Variants in SLC16A6 observed in about 807,000 individuals in gnomAD.
SLC16A6 encodes the protein monocarboxylate transporter 7.
Under a neutral mutation model 33.8 loss-of-function variants are expected in SLC16A6, and 15 were observed. The observed-to-expected ratio is 0.44, with a 90% CI of 0.30 to 0.68. SLC16A6 has a LOEUF of 0.68. Among genes scored for constraint, SLC16A6 ranks in the 30% least tolerant of loss-of-function variants. The pLI, the probability that SLC16A6 is intolerant of heterozygous loss-of-function variation, is 0.10. For missense variants in SLC16A6, 451 were observed against 661.5 expected (o/e 0.68, Z 3.49); for synonymous variants, 219 against 248.4 (o/e 0.88, Z 1.11).
At chr17:68,280,625 C>A (rs781806586) in intron 1 of SLC16A6, among the ~76,000 whole-genome samples, 1 of 152,174 alleles carries the variant, frequency 6.6e-6, no homozygotes, top group African/African-American at 2.4e-5. Flanking sequence ...TCACCCTATA[C>A]AACAATCAAC....
chr17:68,273,047 A>G (rs1337804361), intron 3 of SLC16A6, among the ~76,000 whole-genome samples: 1 of 151,746 alleles, frequency 6.6e-6, no homozygotes, highest in Non-Finnish European at 1.5e-5. Context: ...AATGGATGAA[A>G]CTATTATTGC....
At chr17:68,278,562 G>A (rs1334128847) in intron 1 of SLC16A6, among the ~76,000 whole-genome samples, 4 of 151,040 alleles carry the variant, frequency 2.6e-5, no homozygotes, top group Non-Finnish European at 5.9e-5. Context: ...AGCCTCCCAA[G>A]TAGCTGGGAC....
chr17:68,270,806 G>C (rs375675889), intron 5 of SLC16A6, 33 bp downstream of exon 5: 2 of 1,528,750 alleles, frequency 1.3e-6, no homozygotes, highest in African/African-American at 1.4e-5. Flanking sequence ...AGGGAAAGTA[G>C]ACAAGTGTTT....
chr17:68,289,158 C>A lies in SLC16A6; in HGVS notation c.-8+1928G>T, dbSNP rs148452210. Among the ~76,000 whole-genome samples the A allele has an allele frequency of 1.9e-3, 283 of 152,122 alleles. 2 individuals are homozygous for A. The highest frequency in any genetic ancestry group is 6.5e-3 in the African/African-American group (270 of 41,466). On this transcript the variant is annotated intron_variant, in intron 1 of 5. Coordinates refer to ENST00000580666, the MANE Select transcript of SLC16A6 (RefSeq NM_004694.5). ...CCCAGGAGTTTGAGACCAACCCGGG[C>A]AACATAGTGAGGCTGTGTCTCTACA...
In SLC16A6 at chr17:68,271,306, T is replaced by A; in HGVS notation, c.854A>T (p.Asp285Val). 1 of 1,614,216 alleles carries A rather than the reference T, an allele frequency of 6.2e-7. No individual in the cohort carries two copies. The highest frequency in any genetic ancestry group is 8.5e-7 in the Non-Finnish European group (1 of 1,180,038). Residue 285 changes from aspartate to valine, a missense_variant, in exon 5 of 6, where the codon GAC (aspartate) becomes GTC (valine). By Grantham distance (152) the Asp-to-Val change is radical. Around this residue, in one of 2 missense-constraint regions of SLC16A6, gnomAD observed 405 missense variants for 510.7 expected, o/e 0.79. Transcript: ENST00000580666. The surrounding 1 kb of genome is among the most constrained non-coding windows in gnomAD (Gnocchi z 5.3). ...ACTTTTCTCTTTCAAAATGGAGAAG[T>A]CTAATAGCGGGGCTTTCTTTTCGCT... ...RPSEKKAPLL[D>V]FSILKEKSFI...
intron 3 of SLC16A6, among the ~76,000 whole-genome samples, chr17:68,273,225 AACAG>A (rs1437393499): frequency 2.0e-5 from 3 of 151,152 alleles, no homozygotes; most frequent in Non-Finnish European, 4.4e-5. Context: ...TTTTTTTTTA[AACAG>A]ACAGGGTCTC....
At chr17:68,290,402 G>A (rs2145217293) in intron 1 of SLC16A6, among the ~76,000 whole-genome samples, 1 of 152,340 alleles carries the variant, frequency 6.6e-6, no homozygotes, top group Non-Finnish European at 1.5e-5. Flanking sequence ...CCCTTGCTAC[G>A]GAACTGCTTG....
At position 68,276,983 on chromosome 17, in the gene SLC16A6, A is replaced by G. The variant is rs183517398; in HGVS notation, c.232+1106T>C. The stretch of plus-strand genomic sequence containing the variant: ...GATGAATCAGTGAAGTCCTTTAGGG[A>G]AACAGGTGCTTGGAATTCAGAAGGT... On this transcript the variant is annotated intron_variant, in intron 2 of 5. Coordinates refer to ENST00000580666, the MANE Select transcript of SLC16A6 (RefSeq NM_004694.5). 5.8e-4 allele frequency among the ~76,000 whole-genome samples: 88 copies of G among 152,300 alleles called. 1 individual carries two copies. The East Asian group carries it at 0.014, about 24-fold the overall frequency.
chr17:68,291,252 G>C (rs868929182), upstream of SLC16A6: 73 of 151,122 alleles, frequency 4.8e-4, no homozygotes, highest in African/African-American at 1.7e-3. Context: ...CCGAGCGCCC[G>C]GGCCCTCCAC....
intron 2 of SLC16A6, chr17:68,274,341 C>G (rs2075441507): frequency 3.8e-6 from 1 of 265,312 alleles, no homozygotes; most frequent in African/African-American, 2.2e-5. Flanking sequence ...TGGTGTGCAC[C>G]TGTAGTCCCA....
chr17:68,286,597 C>A (rs184564287), intron 1 of SLC16A6, among the ~76,000 whole-genome samples: 1 of 152,100 alleles, frequency 6.6e-6, no homozygotes, highest in African/African-American at 2.4e-5. Context: ...CTTAGCCTCC[C>A]GGGTTCAAGC....
intron 1 of SLC16A6, among the ~76,000 whole-genome samples, chr17:68,286,046 A>G (rs1305296119): frequency 6.6e-6 from 1 of 152,154 alleles, no homozygotes; most frequent in Admixed American, 6.5e-5. Flanking sequence ...GATGTGAGCC[A>G]CCGCGCCTGG....
rs2075351108 is a variant in SLC16A6 at position 68,271,871 on chromosome 17, C to T, written c.506-217G>A. On this transcript the variant is annotated intron_variant, in intron 4 of 5. Transcript: ENST00000580666. This position sits in a 1 kb window ranked among gnomAD's most constrained non-coding sequence, Gnocchi z 5.3. ...AGGCTGGAGTGCAGTGGCCTGATCT[C>T]AGCTCACCGCAACCTCCACCTCCCG... is the stretch of plus-strand genomic sequence containing the variant. Among the ~76,000 whole-genome samples the T allele has an allele frequency of 6.6e-6, 1 of 152,166 alleles. No individual in the cohort carries two copies. The highest frequency in any genetic ancestry group is 2.4e-5 in the African/African-American group (1 of 41,418).
rs138575233 is a variant in SLC16A6 at position 68,271,177 on chromosome 17, C to T, written c.983G>A (p.Arg328His). 3.2e-4 allele frequency: 518 copies of T among 1,614,014 alleles called. 2 individuals are homozygous for T. In the African/African-American group the frequency reaches 5.7e-3, roughly 18 times the overall value. The change falls in exon 5 of 6, where the codon CGC becomes CAC. Residue 328 changes from arginine to histidine, a missense_variant. Transcript: ENST00000580666. The surrounding 1 kb of genome is among the most constrained non-coding windows in gnomAD (Gnocchi z 5.3). ...LGISLGIDQD[R>H]AAFLLSTMAI... ...CATCGTAGATAATAAAAAAGCAGCG[C>T]GGTCCTGGTCAATGCCCAGACTAAT...
chr17:68,289,798 C>T (rs969675870), intron 1 of SLC16A6, among the ~76,000 whole-genome samples: 8 of 152,050 alleles, frequency 5.3e-5, no homozygotes, highest in Non-Finnish European at 1.2e-4. Context: ...AGTCCTTTTT[C>T]GGAAACCACA....
intron 1 of SLC16A6, among the ~76,000 whole-genome samples, chr17:68,289,180 T>C (rs2145203976): frequency 6.6e-6 from 1 of 152,122 alleles, no homozygotes; most frequent in East Asian, 1.9e-4. Context: ...GCTGTGTCTC[T>C]ACAAAAAAAT....
chr17:68,275,334 GA>G (rs1219871838), intron 2 of SLC16A6, among the ~76,000 whole-genome samples: 1 of 151,960 alleles, frequency 6.6e-6, no homozygotes, highest in Non-Finnish European at 1.5e-5. Flanking sequence ...AAGGAAGTGG[GA>G]AAAAAAGGAT....
At chr17:68,279,007 G>A (rs1389951911) in intron 1 of SLC16A6, among the ~76,000 whole-genome samples, 1 of 152,084 alleles carries the variant, frequency 6.6e-6, no homozygotes, top group Non-Finnish European at 1.5e-5. Context: ...TCTTGGTATT[G>A]TACATGGGGC....
At chr17:68,281,115 G>C (rs2075680319) in intron 1 of SLC16A6, among the ~76,000 whole-genome samples, 1 of 144,848 alleles carries the variant, frequency 6.9e-6, no homozygotes, top group Non-Finnish European at 1.5e-5. Flanking sequence ...GACAGAAGGA[G>C]ACTCTGCCTC....
Sources: gnomAD v4.1 joint callset for allele counts (sites outside exome capture counted in the v4.1 genomes callset) on GRCh38, gnomAD v4.1.1 for gene constraint, gnomAD v4.1.1 regional missense constraint, Gnocchi (gnomAD v3.1) non-coding constraint, MANE v1.5 for transcripts, NCBI Gene and HGNC (gene_info 2026-07-23, HGNC 2026-07-21) for gene names.